The following NOS2 variants were observed in gnomAD, a reference collection of about 807,000 sequenced individuals.
NOS2 encodes nitric oxide synthase, inducible.
Under a neutral mutation model 136.0 loss-of-function variants are expected in NOS2, and 96 were observed. The ratio of observed to expected loss-of-function variants is 0.71; its 90% confidence interval spans 0.60 to 0.84. The LOEUF is 0.84. Ranked by LOEUF, NOS2 falls within the 40% of genes least tolerant of loss-of-function variation. The pLI, the probability that NOS2 is intolerant of heterozygous loss-of-function variation, is 0.00. For missense variants in NOS2, 1,237 were observed against 1,496.9 expected, an observed-to-expected ratio of 0.83 and a Z score of 2.87; for synonymous variants, 539 against 587.5, an observed-to-expected ratio of 0.92 and a Z score of 1.20.
rs759685852 is a variant in NOS2, at chr17:27,798,822, A to G, written c.-13T>C. On this transcript the variant is annotated 5_prime_UTR_variant, in exon 2 of 27. Coordinates refer to ENST00000313735, the MANE Select transcript of NOS2 (RefSeq NM_000625.4). ...AAGGACAGGCCATCTCTATGGCTTT[A>G]CAAAGCAGGTCACTTATGTCACTTA... The G allele has an allele frequency of 2.0e-6, 3 of 1,517,852 alleles. No individual in the cohort carries two copies. In the South Asian group the frequency reaches 3.4e-5, roughly 17 times the overall value. The allele number at this position is 1,517,852 out of a possible 1,614,324, so 94.0% of individuals were successfully genotyped here. A position where few individuals can be genotyped will look rare whatever the true frequency, so the allele number is the denominator to read the frequency against.
chr17:27,758,672 G>A (rs985267920), intron 26 of NOS2, among the ~76,000 whole-genome samples: 3 of 152,140 alleles, frequency 2.0e-5, no homozygotes, highest in Non-Finnish European at 4.4e-5. Context: ...ACATTCACCC[G>A]ACTTCTCAAA....
At position 27,772,423 on chromosome 17, in the gene NOS2, C is replaced by A. The variant is rs1397715505; in HGVS notation, c.1589G>T (p.Arg530Leu). 7.4e-6 allele frequency: 12 copies of A among 1,613,894 alleles called. No individual in the cohort carries two copies. Among genetic ancestry groups the A allele is most frequent in the South Asian group, 2.2e-5 (2 of 91,086 alleles). The change falls in exon 14 of 27, where the codon CGC (arginine) becomes CTC (leucine). Residue 530 changes from arginine (R) to leucine (L), a missense_variant. This residue lies in a region of NOS2 where 782 missense variants were observed against 909.9 expected (regional missense o/e 0.86). Coordinates refer to ENST00000313735, the MANE Select transcript of NOS2 (RefSeq NM_000625.4). ...TCTGACTCGGGACGCCATTGTCTTG[C>A]GCATCAGCATACAGGCAAAGAGCAC... ...KAVLFACMLMRKTMASRVRVT... is the reference protein window; with the variant it reads ...KAVLFACMLMLKTMASRVRVT...
At chr17:27,775,631 A>G (rs183771126) in intron 11 of NOS2, among the ~76,000 whole-genome samples, 1 of 152,090 alleles carries the variant, frequency 6.6e-6, no homozygotes, top group East Asian at 2.0e-4. Context: ...AAATTTAAAA[A>G]TTAGCCAGGT....
At chr17:27,759,943 T>A in intron 25 of NOS2, 87 bp downstream of exon 25, 2 of 1,348,106 alleles carry the variant, frequency 1.5e-6, no homozygotes, top group Non-Finnish European at 2.0e-6. Context: ...AGGTGAAGGC[T>A]CGGGGAGGCG....
chr17:27,766,289 T>C (rs2297514), intron 19 of NOS2, among the ~76,000 whole-genome samples: 72,333 of 152,024 alleles, frequency 0.48, 17,539 homozygotes, highest in South Asian at 0.67. Context: ...AGCAGATGCT[T>C]AGAGTCCAAG....
intron 5 of NOS2, among the ~76,000 whole-genome samples, chr17:27,787,014 C>T (rs1045376750): frequency 7.9e-5 from 12 of 152,174 alleles, no homozygotes; most frequent in African/African-American, 2.9e-4. Flanking sequence ...CTAGCATGGT[C>T]CTCAGGGAAG....
chr17:27,788,657 G>A (rs1909096650), intron 4 of NOS2, 152 bp downstream of exon 4: 2 of 856,982 alleles, frequency 2.3e-6, no homozygotes, highest in South Asian at 2.4e-5. Context: ...ACTTCCTACT[G>A]TAATCTGTGA....
chr17:27,788,966 C>A (rs764987892), intron 3 of NOS2, 35 bp from the exon 4 acceptor site: 2 of 1,607,762 alleles, frequency 1.2e-6, no homozygotes, highest in South Asian at 1.1e-5. Flanking sequence ...TCTCTCAGGT[C>A]TCTCCTAGAC....
chr17:27,782,557 A>C (rs557130399), intron 6 of NOS2, among the ~76,000 whole-genome samples: 4 of 152,310 alleles, frequency 2.6e-5, no homozygotes, highest in African/African-American at 9.6e-5. Flanking sequence ...CCCCAACAAA[A>C]AGATGGCCTA....
At chr17:27,769,205 C>A (rs868141231) in intron 16 of NOS2, 54 bp from the exon 17 acceptor site, 1 of 1,502,478 alleles carries the variant, frequency 6.7e-7, no homozygotes, top group Middle Eastern at 1.7e-4. Context: ...CACCTGGCAC[C>A]CAGCACCCAG....
rs576309641 is a variant in NOS2, at chr17:27,757,005, A to AT, written c.*240dup. On this transcript the variant is annotated 3_prime_UTR_variant, in exon 27 of 27. Coordinates refer to ENST00000313735, the MANE Select transcript of NOS2 (RefSeq NM_000625.4). The stretch of plus-strand genomic sequence containing the variant: ...CCACTTGCCAGGCCTGGCATTTAAG[A>AT]TTTTGTCTCCAAGGGACCAGGGAGG... 77 of 435,802 alleles carry AT rather than the reference A, an allele frequency of 1.8e-4. No homozygotes were observed. The highest frequency in any genetic ancestry group is 1.4e-3 in the African/African-American group (71 of 49,418). The allele number at this position is 435,802 out of a possible 1,614,324, so 27.0% of individuals were successfully genotyped here.
At chr17:27,765,857 T>C in intron 19 of NOS2, 141 bp from the exon 20 acceptor site, 2 of 941,648 alleles carry the variant, frequency 2.1e-6, no homozygotes, top group Admixed American at 3.0e-5. Context: ...CACCCTGAGC[T>C]TGGGATGAGG....
chr17:27,788,957 C>T, intron 3 of NOS2, 26 bp from the exon 4 acceptor site: 2 of 1,610,850 alleles, frequency 1.2e-6, no homozygotes, highest in Non-Finnish European at 1.7e-6. Context: ...ACAGGGTTTT[C>T]TCTCAGGTCT....
chr17:27,760,851 G>A, intron 23 of NOS2, 107 bp from the exon 24 acceptor site: 1 of 1,380,056 alleles, frequency 7.2e-7, no homozygotes, highest in South Asian at 1.5e-5. Context: ...TGAGGGGGTG[G>A]AGAGGACAAG....
intron 11 of NOS2, among the ~76,000 whole-genome samples, chr17:27,778,458 C>G (rs1567638811): frequency 6.6e-6 from 1 of 152,080 alleles, no homozygotes; most frequent in Non-Finnish European, 1.5e-5. Context: ...ATTGATGATA[C>G]AGAGAGAGAA....
chr17:27,788,984 C>A, intron 3 of NOS2, 53 bp from the exon 4 acceptor site: 9 of 1,587,170 alleles, frequency 5.7e-6, no homozygotes, highest in Non-Finnish European at 6.9e-6. Flanking sequence ...GACCCCAGGC[C>A]CTGCCTTGTC....
chr17:27,776,700 C>T (rs962632769), intron 11 of NOS2, among the ~76,000 whole-genome samples: 3 of 137,466 alleles, frequency 2.2e-5, no homozygotes, highest in Non-Finnish European at 4.7e-5. Flanking sequence ...AAAAAAAAAA[C>T]TCAGTGGTAG....
chr17:27,788,196 G>GCGCACACACACACA (rs1555540675), intron 4 of NOS2, among the ~76,000 whole-genome samples: 3 of 149,646 alleles, frequency 2.0e-5, no homozygotes, highest in Non-Finnish European at 4.4e-5. Context: ...GCACACGCGT[G>GCGCACACACACACA]CACACACACA....
intron 20 of NOS2, among the ~76,000 whole-genome samples, chr17:27,765,081 C>T (rs1452917592): frequency 1.3e-5 from 2 of 152,188 alleles, no homozygotes; most frequent in African/African-American, 4.8e-5. Context: ...TGGCTTCAAG[C>T]GATTCTTGTG....
Sources: gnomAD v4.1 joint callset for allele counts (sites outside exome capture counted in the v4.1 genomes callset) on GRCh38, gnomAD v4.1.1 for gene constraint, gnomAD v4.1.1 regional missense constraint, MANE v1.5 for transcripts, NCBI Gene and HGNC (gene_info 2026-07-23, HGNC 2026-07-21) for gene names.